The following TNPO2 variants were observed in gnomAD, a reference collection of about 807,000 sequenced individuals.
TNPO2 encodes transportin 2.
In TNPO2, 16 loss-of-function variants were observed where a neutral mutation model predicts 111.1. The ratio of observed to expected loss-of-function variants is 0.14; its 90% CI spans 0.10 to 0.22. TNPO2 has a LOEUF of 0.22. TNPO2 is among the 10% of genes least tolerant of loss of function. The pLI is 1.00. For missense variants in TNPO2, 530 were observed against 1,173.7 expected, an observed-to-expected ratio of 0.45 and a Z score of 8.01; for synonymous variants, 481 against 475.8, an observed-to-expected ratio of 1.01 and a Z score of -0.14.
At chr19:12,712,909 C>G (rs1315374209) in intron 10 of TNPO2, among the ~76,000 whole-genome samples, 2 of 152,144 alleles carry the variant, frequency 1.3e-5, no homozygotes, top group Non-Finnish European at 1.5e-5. Flanking sequence ...GGGGCTGGTC[C>G]CTACGTAACC....
rs1230058009 is a variant in TNPO2, at chr19:12,719,658, C to T, written c.100-322G>A. On this transcript the variant is annotated intron_variant, in intron 3 of 25. Transcript: ENST00000425528. The surrounding 1 kb of genome is among the most constrained non-coding windows in gnomAD (Gnocchi z 5.0). ...TAAACATACAAAAAAATTATCCGGG[C>T]ATGATGTGTGCGTGCCTCTATTCCC... 1.3e-5 allele frequency among the ~76,000 whole-genome samples: 2 copies of T among 152,100 alleles called. No individual in the cohort carries two copies. The highest frequency in any genetic ancestry group is 4.8e-5 in the African/African-American group (2 of 41,390).
In TNPO2 at chr19:12,707,844, G is replaced by A. The variant is rs184870645; in HGVS notation, c.1271-1049C>T. ...TTTATTATTATTATTTTTTTGAGAC[G>A]GAGTCTTGCTCTGTTGCCCAAGCTG... On this transcript the variant is annotated intron_variant, in intron 13 of 25. Coordinates refer to ENST00000425528, the MANE Select transcript of TNPO2 (RefSeq NM_001382241.1). Among the ~76,000 whole-genome samples the A allele has an allele frequency of 2.7e-3, 406 of 151,104 alleles. 2 individuals carry two copies. Among genetic ancestry groups the A allele is most frequent in the Non-Finnish European group, 5.0e-3 (339 of 67,820 alleles).
chr19:12,704,542 G>A (rs2025518754), intron 18 of TNPO2, among the ~76,000 whole-genome samples: 1 of 152,204 alleles, frequency 6.6e-6, no homozygotes, highest in Non-Finnish European at 1.5e-5. Context: ...ACAAACTTCT[G>A]TATGCGTTCA....
intron 13 of TNPO2, among the ~76,000 whole-genome samples, chr19:12,708,011 G>C: frequency 6.6e-6 from 1 of 152,018 alleles, no homozygotes; most frequent in East Asian, 1.9e-4. Context: ...TAGCAGAGAC[G>C]AAGTTTCACC....
rs2026661281 is a variant in TNPO2 at position 12,721,064 on chromosome 19, C to T, written c.-13-74G>A. 15 of 1,532,258 alleles carry T rather than the reference C, an allele frequency of 9.8e-6. No individual in the cohort carries two copies. The highest frequency in any genetic ancestry group is 1.3e-5 in the Non-Finnish European group (15 of 1,144,976). The allele number at this position is 1,532,258 out of a possible 1,614,324, so 94.9% of individuals were successfully genotyped here. ...TGAGACCCAGGTGGAGCCCCTGAGG[C>T]CGCGGTGGCCGCATGACGACGGGAA... On this transcript the variant is annotated intron_variant, in intron 2 of 25. Coordinates refer to ENST00000425528, the MANE Select transcript of TNPO2 (RefSeq NM_001382241.1). This position sits in a 1 kb window ranked among gnomAD's most constrained non-coding sequence, Gnocchi z 4.9.
rs759240041 is a variant in TNPO2 at position 12,702,355 on chromosome 19, ATCTT to A, written c.2306-182_2306-179del. On this transcript the variant is annotated intron_variant, in intron 21 of 25. Transcript: ENST00000425528. The surrounding 1 kb of genome is among the most constrained non-coding windows in gnomAD (Gnocchi z 5.5). ...TCACTTCCCAGGTCTCTCTGCATCT[ATCTT>A]TCTTTCTTTCCTTTCCCTTTCCTTT... 8 of 691,108 alleles carry A rather than the reference ATCTT, an allele frequency of 1.2e-5. No homozygotes were observed. The highest frequency in any genetic ancestry group is 1.6e-5 in the Non-Finnish European group (6 of 380,042). The allele number at this position is 691,108 out of a possible 1,614,324, so 42.8% of individuals were successfully genotyped here.
chr19:12,723,161 T>A (rs1400715541), intron 2 of TNPO2, 88 bp downstream of exon 2: 1 of 152,148 alleles, frequency 6.6e-6, no homozygotes, highest in Non-Finnish European at 1.5e-5. Flanking sequence ...TACAAGGAGA[T>A]GAAAAAGCCA....
chr19:12,707,007 A>AT (rs997465062), intron 13 of TNPO2, among the ~76,000 whole-genome samples: 4 of 151,288 alleles, frequency 2.6e-5, no homozygotes, highest in African/African-American at 4.9e-5. Context: ...GGTTATCTTT[A>AT]TTTTTTTTTG....
intron 5 of TNPO2, 151 bp downstream of exon 5, chr19:12,718,878 T>G: frequency 9.1e-7 from 1 of 1,103,958 alleles, no homozygotes; most frequent in Middle Eastern, 3.1e-4. Flanking sequence ...CCTTAATAGC[T>G]CAGCGCCTCA....
chr19:12,720,913 G>T lies in TNPO2; in HGVS notation c.65C>A (p.Ser22Ter). The T allele has an allele frequency of 6.2e-7, 1 of 1,605,156 alleles. No individual in the cohort carries two copies. ...GATGCGCTGAGTGGCTGTGTTGGGCGACTGTGAGTCTTTGAGCAGCTGCAG... is the reference window on the plus strand; with the variant it reads ...GATGCGCTGAGTGGCTGTGTTGGGCTACTGTGAGTCTTTGAGCAGCTGCAG... ...QVLQLLKDSQSPNTATQRIVQ... is the reference protein window; with the variant it reads ...QVLQLLKDSQ The change falls in exon 3 of 26, where the codon TCG becomes TAG. Residue 22 changes from serine (S) to a stop codon, truncating the protein, a stop_gained. Coordinates refer to ENST00000425528, the MANE Select transcript of TNPO2 (RefSeq NM_001382241.1). LOFTEE classifies it high-confidence loss of function.
At chr19:12,720,294 C>T (rs1288715954) in intron 3 of TNPO2, among the ~76,000 whole-genome samples, 2 of 151,956 alleles carry the variant, frequency 1.3e-5, no homozygotes, top group Non-Finnish European at 2.9e-5. Context: ...GCTGGGATTG[C>T]AGGCGTGAAC....
intron 18 of TNPO2, 77 bp from the exon 19 acceptor site, chr19:12,703,878 G>A: frequency 7.8e-7 from 1 of 1,288,298 alleles, no homozygotes; most frequent in South Asian, 1.4e-5. Flanking sequence ...ACAGTCCCTG[G>A]TGCATGTCCA....
rs538460229 is a variant in TNPO2, at chr19:12,706,390, G to A, written c.1497-23C>T. On this transcript the variant is annotated intron_variant, in intron 14 of 25. Coordinates refer to ENST00000425528, the MANE Select transcript of TNPO2 (RefSeq NM_001382241.1). The surrounding 1 kb of genome is among the most constrained non-coding windows in gnomAD (Gnocchi z 7.0). ...GCACTGGTGGGAGGGAGGATGAAGC[G>A]GGGGCTCAGTGGACCATGGCAGGTG... The A allele has an allele frequency of 1.7e-5, 28 of 1,613,860 alleles. No individual in the cohort carries two copies. The African/African-American group carries it at 1.9e-4, about 11-fold the overall frequency.
Position 12,706,864 on chromosome 19 carries a change from G to A in TNPO2, c.1271-69C>T. ...AGCCACACCCACCGTATGGAGAGAAGAGTCAGCCGCACACAACATATAGGG... is the reference window on the plus strand; with the variant it reads ...AGCCACACCCACCGTATGGAGAGAAAAGTCAGCCGCACACAACATATAGGG... On this transcript the variant is annotated intron_variant, in intron 13 of 25. Transcript: ENST00000425528. The surrounding 1 kb of genome is among the most constrained non-coding windows in gnomAD (Gnocchi z 7.0). The A allele has an allele frequency of 7.6e-7, 1 of 1,317,854 alleles. No homozygotes were observed. The highest frequency in any genetic ancestry group is 1.1e-6 in the Non-Finnish European group (1 of 939,072). 81.6% of individuals were successfully genotyped at this position (1,317,854 alleles called of 1,614,324 possible).
At chr19:12,703,878 G>C in intron 18 of TNPO2, 77 bp from the exon 19 acceptor site, 4 of 1,288,298 alleles carry the variant, frequency 3.1e-6, no homozygotes, top group Non-Finnish European at 4.3e-6. Flanking sequence ...ACAGTCCCTG[G>C]TGCATGTCCA....
intron 10 of TNPO2, among the ~76,000 whole-genome samples, chr19:12,712,278 C>T (rs565209700): frequency 5.9e-5 from 9 of 152,262 alleles, no homozygotes; most frequent in African/African-American, 1.7e-4. Context: ...CATGGTCCAG[C>T]GGTAGCAAAA....
Position 12,705,136 on chromosome 19 carries a change from A to G in TNPO2, c.2022+104T>C. On this transcript the variant is annotated intron_variant, in intron 18 of 25. Coordinates refer to ENST00000425528, the MANE Select transcript of TNPO2 (RefSeq NM_001382241.1). This position sits in a 1 kb window ranked among gnomAD's most constrained non-coding sequence, Gnocchi z 7.2. Reference sequence around the variant, plus strand: ...TACTCTTTAAAATAATTAGAACAGCACCTTTTCCCTGATTTCCTTTGGGCA... The same window carrying G: ...TACTCTTTAAAATAATTAGAACAGCGCCTTTTCCCTGATTTCCTTTGGGCA... 1 of 1,193,944 alleles carries G rather than the reference A, an allele frequency of 8.4e-7. No individual in the cohort carries two copies. The highest frequency in any genetic ancestry group is 1.2e-6 in the Non-Finnish European group (1 of 846,174). 74.0% of individuals were successfully genotyped at this position (1,193,944 alleles called of 1,614,324 possible). A position where few individuals can be genotyped will look rare whatever the true frequency, so the allele number is the denominator to read the frequency against.
rs1460268844 is a variant in TNPO2, at chr19:12,699,507, C to G, written c.*1757G>C. Reference sequence around the variant, plus strand: ...GGAAAACGAGAAGAACCAGGCTCCCCTTCCCTGAAGGTGTTTGTATCCCCC... The same window carrying G: ...GGAAAACGAGAAGAACCAGGCTCCCGTTCCCTGAAGGTGTTTGTATCCCCC... On this transcript the variant is annotated 3_prime_UTR_variant, in exon 26 of 26. Coordinates refer to ENST00000425528, the MANE Select transcript of TNPO2 (RefSeq NM_001382241.1). The G allele has an allele frequency of 6.4e-6, 1 of 155,664 alleles. No individual in the cohort carries two copies. Among genetic ancestry groups the G allele is most frequent in the African/African-American group, 2.4e-5 (1 of 41,140 alleles). 9.6% of individuals were successfully genotyped at this position (155,664 alleles called of 1,614,324 possible). A position where few individuals can be genotyped will look rare whatever the true frequency, so the allele number is the denominator to read the frequency against.
At position 12,723,364 on chromosome 19, in the gene TNPO2, C is replaced by T. The variant is rs1195024682; in HGVS notation, c.-129G>A. 2 of 152,172 alleles carry T rather than the reference C, an allele frequency of 1.3e-5. No individual in the cohort carries two copies. The highest frequency in any genetic ancestry group is 4.8e-5 in the African/African-American group (2 of 41,426). The allele number at this position is 152,172 out of a possible 1,614,324, so 9.4% of individuals were successfully genotyped here. ...AGACAGTAGGGCACCGTTTTTCCTT[C>T]TCTTGAGAGAGGAGCAGATGGTAAA... On this transcript the variant is annotated splice_region_variant and 5_prime_UTR_variant, in exon 2 of 26. Transcript: ENST00000425528.
Sources: gnomAD v4.1 joint callset for allele counts (sites outside exome capture counted in the v4.1 genomes callset) on GRCh38, gnomAD v4.1.1 for gene constraint, Gnocchi (gnomAD v3.1) non-coding constraint, MANE v1.5 for transcripts, NCBI Gene and HGNC (gene_info 2026-07-23, HGNC 2026-07-21) for gene names.